The following NR3C1 variants were observed in gnomAD, a reference collection of about 807,000 sequenced individuals.
The protein encoded by NR3C1 is glucocorticoid receptor.
A neutral mutation model predicts 74.0 loss-of-function variants in NR3C1; 14 were observed. That is an observed-to-expected ratio of 0.19 (90% confidence interval 0.12 to 0.30). The LOEUF is 0.30. NR3C1 is among the 10% of genes least tolerant of loss of function. NR3C1 has a pLI of 1.00. For synonymous variants in NR3C1, 308 were observed against 332.5 expected (o/e 0.93, Z 0.80); for missense variants, 695 against 909.8 (o/e 0.76, Z 3.04).
chr5:143,372,933 C>T (rs148772198), intron 2 of NR3C1, among the ~76,000 whole-genome samples: 1 of 152,154 alleles, frequency 6.6e-6, no homozygotes, highest in East Asian at 1.9e-4. Context: ...TATTCCAAGT[C>T]GTAATCTCAA....
At chr5:143,412,247 G>A (rs1841317146) in intron 1 of NR3C1, among the ~76,000 whole-genome samples, 1 of 129,128 alleles carries the variant, frequency 7.7e-6, no homozygotes, top group Non-Finnish European at 1.6e-5. Flanking sequence ...GTCAAATGTC[G>A]AATTGCCTCA....
intron 6 of NR3C1, among the ~76,000 whole-genome samples, chr5:143,296,453 A>T (rs1817220276): frequency 1.3e-5 from 2 of 152,160 alleles, no homozygotes; most frequent in African/African-American, 4.8e-5. Flanking sequence ...CTCTTACCGA[A>T]GAGGCACCTC....
intron 2 of NR3C1, among the ~76,000 whole-genome samples, chr5:143,383,953 C>A (rs568490312): frequency 5.6e-4 from 86 of 152,326 alleles, no homozygotes; most frequent in African/African-American, 2.0e-3. Flanking sequence ...CGTTTTCACA[C>A]TGCAATAAAG....
intron 4 of NR3C1, among the ~76,000 whole-genome samples, chr5:143,307,682 T>C (rs1237098344): frequency 6.6e-6 from 1 of 152,114 alleles, no homozygotes; most frequent in East Asian, 1.9e-4. Flanking sequence ...AAAATGAAGA[T>C]TAGAGATAAT....
chr5:143,394,025 C>T (rs1483463994), intron 2 of NR3C1, among the ~76,000 whole-genome samples: 1 of 151,836 alleles, frequency 6.6e-6, no homozygotes, highest in African/African-American at 2.4e-5. Flanking sequence ...ATCATTAAAA[C>T]TTTTTTCCCC....
rs1812757651 is a variant in NR3C1, at chr5:143,279,280, CTT to C, written c.*2607_*2608del. ...ATAGTTGTCGATGAGCATCAGTTGA[CTT>C]ATTATTGACAACGAAGTGCACATAA... On this transcript the variant is annotated 3_prime_UTR_variant, in exon 9 of 9. Transcript: ENST00000394464. 6.8e-7 allele frequency: 1 copy of C among 1,470,510 alleles called. No homozygotes were observed. The highest frequency in any genetic ancestry group is 9.2e-7 in the Non-Finnish European group (1 of 1,092,052). The allele number at this position is 1,470,510 out of a possible 1,614,324, so 91.1% of individuals were successfully genotyped here.
chr5:143,307,881 T>G (rs992535515), intron 4 of NR3C1, among the ~76,000 whole-genome samples: 1 of 152,188 alleles, frequency 6.6e-6, no homozygotes, highest in South Asian at 2.1e-4. Context: ...TAAACTACCC[T>G]TGTGGAACTG....
intron 2 of NR3C1, among the ~76,000 whole-genome samples, chr5:143,386,275 G>A (rs1382791221): frequency 1.3e-5 from 2 of 152,112 alleles, no homozygotes; most frequent in African/African-American, 4.8e-5. Flanking sequence ...ATGAGATTTG[G>A]GTGGGGATAC....
At chr5:143,304,006 A>G (rs576998725) in intron 4 of NR3C1, among the ~76,000 whole-genome samples, 7 of 152,276 alleles carry the variant, frequency 4.6e-5, no homozygotes, top group East Asian at 3.9e-4. Context: ...CCTTAATGCA[A>G]TAAGACAAGG....
intron 7 of NR3C1, among the ~76,000 whole-genome samples, chr5:143,283,585 G>T (rs1813609998): frequency 6.6e-6 from 1 of 152,104 alleles, no homozygotes. Context: ...TTTAAAATCG[G>T]CATGCAATAC....
At chr5:143,360,303 T>G (rs1831984643) in intron 2 of NR3C1, among the ~76,000 whole-genome samples, 1 of 152,260 alleles carries the variant, frequency 6.6e-6, no homozygotes, top group African/African-American at 2.4e-5. Context: ...TCTAGTGGCT[T>G]GTATACAATT....
rs10038016 is a variant in NR3C1, at chr5:143,349,539, G to T, written c.1185-35371C>A. On this transcript the variant is annotated intron_variant, in intron 2 of 8. Coordinates refer to ENST00000394464, the MANE Select transcript of NR3C1 (RefSeq NM_000176.3). ...GACTCTATCCACACCCAGGCCTTGG[G>T]TTTTTGCTTCAGTTATAGTGGTTTA... Among the ~76,000 whole-genome samples, 671 of 152,184 alleles carry T rather than the reference G, an allele frequency of 4.4e-3. 2 individuals carry two copies. Among genetic ancestry groups the T allele is most frequent in the African/African-American group, 0.015 (639 of 41,514 alleles).
intron 2 of NR3C1, among the ~76,000 whole-genome samples, chr5:143,343,703 T>C (rs914633051): frequency 2.0e-5 from 3 of 152,186 alleles, no homozygotes; most frequent in African/African-American, 7.2e-5. Context: ...TGTTACTCTG[T>C]GTGTATTTAT....
At chr5:143,380,651 G>A (rs914788358) in intron 2 of NR3C1, among the ~76,000 whole-genome samples, 4 of 133,840 alleles carry the variant, frequency 3.0e-5, no homozygotes, top group African/African-American at 8.2e-5. Context: ...AACTTGTGTG[G>A]ATTATAGGGC....
At chr5:143,385,994 G>C (rs1837141926) in intron 2 of NR3C1, among the ~76,000 whole-genome samples, 2 of 152,196 alleles carry the variant, frequency 1.3e-5, no homozygotes, top group African/African-American at 2.4e-5. Context: ...AAGAAAAGAG[G>C]TTCAACTGAC....
chr5:143,349,289 G>A (rs1461494467), intron 2 of NR3C1, among the ~76,000 whole-genome samples: 1 of 152,140 alleles, frequency 6.6e-6, no homozygotes, highest in African/African-American at 2.4e-5. Context: ...TCAAGGTTAA[G>A]AAGGGTTAGC....
chr5:143,396,322 A>G (rs948124169), intron 2 of NR3C1, among the ~76,000 whole-genome samples: 1 of 151,886 alleles, frequency 6.6e-6, no homozygotes, highest in Non-Finnish European at 1.5e-5. Flanking sequence ...ATATATTTAA[A>G]AAGAAATCTC....
chr5:143,286,591 T>C (rs768136013), intron 7 of NR3C1, among the ~76,000 whole-genome samples: 1 of 152,102 alleles, frequency 6.6e-6, no homozygotes, highest in Non-Finnish European at 1.5e-5. Flanking sequence ...TGGGCAGTCA[T>C]TAAATGCATG....
chr5:143,368,432 A>G (rs1833644259), intron 2 of NR3C1, among the ~76,000 whole-genome samples: 1 of 152,130 alleles, frequency 6.6e-6, no homozygotes, highest in Non-Finnish European at 1.5e-5. Context: ...AGAAGTGAAA[A>G]GATGGCCTTT....
Sources: gnomAD v4.1 joint callset for allele counts (sites outside exome capture counted in the v4.1 genomes callset) on GRCh38, gnomAD v4.1.1 for gene constraint, MANE v1.5 for transcripts, NCBI Gene and HGNC (gene_info 2026-07-23, HGNC 2026-07-21) for gene names.